Variants in ROR1 observed in about 807,000 individuals in gnomAD.
The protein encoded by ROR1 is inactive tyrosine-protein kinase transmembrane receptor ROR1.
Under a neutral mutation model 78.8 loss-of-function variants are expected in ROR1, and 19 were observed. The ratio of observed to expected loss-of-function variants is 0.24; its 90% CI spans 0.17 to 0.35. The LOEUF (loss-of-function observed/expected upper bound fraction) is 0.35. Among genes scored for constraint, ROR1 ranks in the 10% least tolerant of loss-of-function variants. The probability of loss-of-function intolerance (pLI) is 1.00; values close to 1 mark genes in which losing one functional copy is unlikely to be tolerated. For missense variants in ROR1, 917 were observed against 1,177.8 expected (o/e 0.78, Z 3.24); for synonymous variants, 386 against 433.6 (o/e 0.89, Z 1.36).
At chr1:64,148,520 G>T (rs1009726438) in intron 7 of ROR1, among the ~76,000 whole-genome samples, 1 of 152,118 alleles carries the variant, frequency 6.6e-6, no homozygotes. Flanking sequence ...TCTCCATGGG[G>T]TTTCTCATTT....
At chr1:63,895,836 T>A (rs1645434996) in intron 1 of ROR1, among the ~76,000 whole-genome samples, 1 of 152,316 alleles carries the variant, frequency 6.6e-6, no homozygotes, top group South Asian at 2.1e-4. Flanking sequence ...TTTCTTTCTA[T>A]TTTGTCTTGC....
chr1:64,084,600 C>T (rs1005041011), intron 4 of ROR1, among the ~76,000 whole-genome samples: 4 of 152,168 alleles, frequency 2.6e-5, no homozygotes, highest in African/African-American at 9.7e-5. Flanking sequence ...AGAAGTGGCT[C>T]TTTATGGAGA....
intron 8 of ROR1, among the ~76,000 whole-genome samples, chr1:64,161,885 G>A (rs1649955851): frequency 6.6e-6 from 1 of 152,072 alleles, no homozygotes; most frequent in Non-Finnish European, 1.5e-5. Context: ...GTTTGTTTTG[G>A]TTCTTACTGA....
At chr1:63,964,950 G>A (rs1367510361) in intron 1 of ROR1, among the ~76,000 whole-genome samples, 1 of 152,226 alleles carries the variant, frequency 6.6e-6, no homozygotes, top group Non-Finnish European at 1.5e-5. Flanking sequence ...CAAGGGATGT[G>A]CTAAGAGTTT....
At chr1:64,108,216 G>A (rs1056864141) in intron 4 of ROR1, 16 of 150,982 alleles carry the variant, frequency 1.1e-4, no homozygotes, top group Non-Finnish European at 1.3e-4. Context: ...AGCCAACATG[G>A]TGAAACCCCA....
chr1:63,811,732 G>C (rs1350136061), intron 1 of ROR1, among the ~76,000 whole-genome samples: 5 of 152,138 alleles, frequency 3.3e-5, no homozygotes, highest in Non-Finnish European at 7.4e-5. Flanking sequence ...AACATTCAGA[G>C]ACTCAGTGTT....
chr1:64,036,182 C>T (rs539503785), intron 2 of ROR1, among the ~76,000 whole-genome samples: 10 of 152,266 alleles, frequency 6.6e-5, no homozygotes, highest in Admixed American at 1.3e-4. Flanking sequence ...AGCTAGGACT[C>T]GATCCCTAGC....
intron 1 of ROR1, among the ~76,000 whole-genome samples, chr1:63,877,373 C>G (rs1255696162): frequency 6.6e-6 from 1 of 152,166 alleles, no homozygotes; most frequent in African/African-American, 2.4e-5. Flanking sequence ...TCTCAAGTTT[C>G]CTCATCTGTC....
chr1:64,088,654 C>G (rs1647172366), intron 4 of ROR1, among the ~76,000 whole-genome samples: 1 of 152,150 alleles, frequency 6.6e-6, no homozygotes, highest in African/African-American at 2.4e-5. Context: ...AGCTCCAGTT[C>G]TGATCCCACC....
intron 4 of ROR1, among the ~76,000 whole-genome samples, chr1:64,129,743 C>G (rs1648845823): frequency 6.6e-6 from 1 of 152,162 alleles, no homozygotes; most frequent in Non-Finnish European, 1.5e-5. Context: ...CTAGTGCAGT[C>G]CTATCATTTC....
chr1:64,113,436 C>G (rs1648190384), intron 4 of ROR1, among the ~76,000 whole-genome samples: 1 of 152,122 alleles, frequency 6.6e-6, no homozygotes, highest in African/African-American at 2.4e-5. Context: ...AGTCATTAGC[C>G]CCATTGTACA....
At chr1:63,858,989 T>TTA (rs1645164462) in intron 1 of ROR1, among the ~76,000 whole-genome samples, 1 of 152,222 alleles carries the variant, frequency 6.6e-6, no homozygotes. Flanking sequence ...GAATAAGAAA[T>TTA]TAGCCTGTGT....
At chr1:63,792,080 G>C (rs1264284784) in intron 1 of ROR1, among the ~76,000 whole-genome samples, 1 of 152,166 alleles carries the variant, frequency 6.6e-6, no homozygotes, top group Non-Finnish European at 1.5e-5. Flanking sequence ...TTGTAAAGGA[G>C]GTGGGGTGGG....
chr1:63,940,285 A>C (rs556988769), intron 1 of ROR1, among the ~76,000 whole-genome samples: 1 of 152,186 alleles, frequency 6.6e-6, no homozygotes, highest in Non-Finnish European at 1.5e-5. Flanking sequence ...TTGTTGTACC[A>C]GAAAGTATAC....
intron 4 of ROR1, among the ~76,000 whole-genome samples, chr1:64,071,549 T>C (rs1647003652): frequency 6.6e-6 from 1 of 151,856 alleles, no homozygotes; most frequent in Admixed American, 6.6e-5. Flanking sequence ...TGTCCCGTTC[T>C]GGTCCACTCC....
chr1:64,064,384 TC>T (rs1252296054), intron 4 of ROR1, among the ~76,000 whole-genome samples: 1 of 152,182 alleles, frequency 6.6e-6, no homozygotes, highest in African/African-American at 2.4e-5. Context: ...GCTGCTGTCT[TC>T]CTTCACACTT....
intron 1 of ROR1, among the ~76,000 whole-genome samples, chr1:63,909,937 T>C (rs1406406015): frequency 1.3e-5 from 2 of 152,184 alleles, no homozygotes; most frequent in Admixed American, 1.3e-4. Context: ...AATTTTACAC[T>C]GTGCTTCCTG....
chr1:63,886,983 A>G (rs1569862707), intron 1 of ROR1, among the ~76,000 whole-genome samples: 1 of 152,292 alleles, frequency 6.6e-6, no homozygotes, highest in East Asian at 1.9e-4. Flanking sequence ...TCACTCTTCC[A>G]CACTCTGTCC....
intron 1 of ROR1, among the ~76,000 whole-genome samples, chr1:63,919,696 G>T (rs1183951776): frequency 2.0e-5 from 3 of 152,054 alleles, no homozygotes; most frequent in African/African-American, 7.2e-5. Context: ...TCCAGAGCCT[G>T]TTTCTTTGTT....
Sources: gnomAD v4.1 joint callset for allele counts (sites outside exome capture counted in the v4.1 genomes callset) on GRCh38, gnomAD v4.1.1 for gene constraint, MANE v1.5 for transcripts, NCBI Gene and HGNC (gene_info 2026-07-23, HGNC 2026-07-21) for gene names.